MIPEP: variants seen among roughly 807,000 people sequenced by gnomAD.
MIPEP encodes the protein mitochondrial intermediate peptidase.
Under a neutral mutation model 90.3 loss-of-function variants are expected in MIPEP, and 79 were observed. That is an observed-to-expected ratio of 0.87 (90% CI 0.73 to 1.05). The LOEUF is 1.05. Among genes scored for constraint, MIPEP ranks in the 50% least tolerant of loss-of-function variants. MIPEP has a pLI of 0.00. For missense variants in MIPEP, 940 were observed against 905.6 expected, an observed-to-expected ratio of 1.04 and a Z score of -0.49; for synonymous variants, 334 against 315.8, an observed-to-expected ratio of 1.06 and a Z score of -0.61.
intron 16 of MIPEP, among the ~76,000 whole-genome samples, chr13:23,779,282 C>T (rs187924675): frequency 2.4e-4 from 36 of 152,210 alleles, no homozygotes; most frequent in Admixed American, 7.8e-4. Context: ...ATGTAGAAAA[C>T]CCCGAAATTG....
chr13:23,875,410 G>A (rs1460872804), intron 4 of MIPEP, among the ~76,000 whole-genome samples: 1 of 152,002 alleles, frequency 6.6e-6, no homozygotes, highest in Non-Finnish European at 1.5e-5. Context: ...GCCAGTAGCA[G>A]CTATTTAGAA....
intron 16 of MIPEP, among the ~76,000 whole-genome samples, chr13:23,799,948 T>G (rs1565997980): frequency 6.6e-6 from 1 of 152,222 alleles, no homozygotes; most frequent in African/African-American, 2.4e-5. Context: ...TGTAAATACT[T>G]AGAGTGCTCA....
At chr13:23,812,506 A>G (rs540693486) in intron 14 of MIPEP, among the ~76,000 whole-genome samples, 34 of 151,824 alleles carry the variant, frequency 2.2e-4, no homozygotes, top group Admixed American at 1.7e-3. Flanking sequence ...CTGAGCCCCT[A>G]ACTGACTGAA....
intron 16 of MIPEP, among the ~76,000 whole-genome samples, chr13:23,771,877 T>G (rs1444690604): frequency 6.6e-6 from 1 of 152,126 alleles, no homozygotes; most frequent in Non-Finnish European, 1.5e-5. Flanking sequence ...CCCCCTAAGA[T>G]CCTATTAAAA....
chr13:23,750,643 C>T (rs140363506), intron 18 of MIPEP, among the ~76,000 whole-genome samples: 5 of 152,154 alleles, frequency 3.3e-5, no homozygotes, highest in South Asian at 2.1e-4. Context: ...GTGCTCTGGA[C>T]GGAACTCACT....
Position 23,881,685 on chromosome 13 carries a change from G to C in MIPEP, c.452+14C>G. On this transcript the variant is annotated intron_variant, in intron 3 of 18. Coordinates refer to ENST00000382172, the MANE Select transcript of MIPEP (RefSeq NM_005932.4). ...AGGACTTGGCATGGAGGTGGGGAGG[G>C]GAACAGCACATACTTCTCTACCATG... 6.2e-7 allele frequency: 1 copy of C among 1,604,696 alleles called. No homozygotes were observed. Among genetic ancestry groups the C allele is most frequent in the Non-Finnish European group, 8.5e-7 (1 of 1,171,816 alleles).
chr13:23,853,487 G>A (rs748850700), intron 10 of MIPEP, among the ~76,000 whole-genome samples: 1 of 152,002 alleles, frequency 6.6e-6, no homozygotes, highest in African/African-American at 2.4e-5. Context: ...GAGCATAGGC[G>A]TGTGTGTAGG....
chr13:23,817,044 C>T (rs1298643248), intron 14 of MIPEP, among the ~76,000 whole-genome samples: 1 of 152,178 alleles, frequency 6.6e-6, no homozygotes, highest in East Asian at 1.9e-4. Context: ...CCTCAGCTTC[C>T]CTATGAGCTT....
At chr13:23,824,291 C>G (rs1435304384) in intron 14 of MIPEP, among the ~76,000 whole-genome samples, 2 of 152,162 alleles carry the variant, frequency 1.3e-5, no homozygotes, top group Admixed American at 6.5e-5. Flanking sequence ...TATTACAGAG[C>G]TAAGTCACTG....
chr13:23,818,828 G>A (rs116279613), intron 14 of MIPEP, among the ~76,000 whole-genome samples: 89 of 152,234 alleles, frequency 5.8e-4, no homozygotes, highest in Admixed American at 2.0e-3. Flanking sequence ...ATGTAACAGC[G>A]GAGAGGGAAA....
At chr13:23,730,617 T>G (rs1483777083) in intron 18 of MIPEP, among the ~76,000 whole-genome samples, 172 bp from the exon 19 acceptor site, 1 of 152,242 alleles carries the variant, frequency 6.6e-6, no homozygotes, top group African/African-American at 2.4e-5. Flanking sequence ...TGTGTGGGCC[T>G]TGGAGCTATT....
chr13:23,835,484 T>C (rs1182514593), intron 14 of MIPEP, among the ~76,000 whole-genome samples: 2 of 152,010 alleles, frequency 1.3e-5, no homozygotes, highest in Non-Finnish European at 2.9e-5. Context: ...CTTTCAGTGC[T>C]TTTTTTTGAT....
intron 10 of MIPEP, among the ~76,000 whole-genome samples, chr13:23,853,184 C>T (rs73442178): frequency 0.018 from 2,714 of 152,060 alleles, 106 homozygotes; most frequent in African/African-American, 0.062. Flanking sequence ...TTAGTGTAGC[C>T]TAAGTGTACA....
At chr13:23,805,807 G>A in intron 16 of MIPEP, 143 bp downstream of exon 16, 1 of 814,516 alleles carries the variant, frequency 1.2e-6, no homozygotes, top group Non-Finnish European at 1.9e-6. Context: ...AATGAACCAG[G>A]CAATTTCCAG....
At chr13:23,738,142 G>A (rs146834804) in intron 18 of MIPEP, among the ~76,000 whole-genome samples, 26 of 152,156 alleles carry the variant, frequency 1.7e-4, no homozygotes, top group Non-Finnish European at 2.9e-4. Context: ...TTTCAGGAAG[G>A]CAAAACAAAC....
intron 10 of MIPEP, among the ~76,000 whole-genome samples, chr13:23,850,696 G>A (rs898633515): frequency 2.6e-5 from 4 of 152,186 alleles, no homozygotes; most frequent in Non-Finnish European, 5.9e-5. Context: ...CAGAATTCTC[G>A]CCATAGAGGC....
At chr13:23,749,078 A>G (rs1345662256) in intron 18 of MIPEP, among the ~76,000 whole-genome samples, 1 of 152,258 alleles carries the variant, frequency 6.6e-6, no homozygotes, top group East Asian at 1.9e-4. Context: ...CTTTAAAACT[A>G]GAAGTATTAA....
At chr13:23,770,471 T>C (rs558592882) in intron 16 of MIPEP, among the ~76,000 whole-genome samples, 3 of 152,280 alleles carry the variant, frequency 2.0e-5, no homozygotes, top group East Asian at 1.9e-4. Context: ...CCAGGCACAA[T>C]TGGAACAACC....
chr13:23,828,974 G>GCT (rs1358627546), intron 14 of MIPEP, among the ~76,000 whole-genome samples: 6 of 152,174 alleles, frequency 3.9e-5, no homozygotes, highest in African/African-American at 1.4e-4. Context: ...AATACAGACA[G>GCT]CATGGCTTTG....
Sources: allele counts gnomAD v4.1 joint callset (sites outside exome capture counted in the v4.1 genomes callset), GRCh38; gene constraint gnomAD v4.1.1; transcripts MANE v1.5; gene names NCBI Gene and HGNC (gene_info 2026-07-23, HGNC 2026-07-21).